The following TLR2 variants were observed in gnomAD, a reference collection of about 807,000 sequenced individuals.
TLR2 encodes the protein toll like receptor 2, also known as toll-like receptor 2.
In TLR2, 7 loss-of-function variants were observed where a neutral mutation model predicts 9.1. The observed-to-expected ratio is 0.77, with a 90% CI of 0.44 to 1.44. TLR2 has a LOEUF of 1.44. TLR2 is among the 40% of genes most tolerant of loss of function. The pLI is 0.01. For synonymous variants in TLR2, 317 were observed against 344.6 expected (o/e 0.92, Z 0.89); for missense variants, 812 against 904.6 (o/e 0.90, Z 1.31).
intron 2 of TLR2, among the ~76,000 whole-genome samples, chr4:153,692,755 TG>T (rs1736208461): frequency 6.6e-6 from 1 of 152,186 alleles, no homozygotes; most frequent in African/African-American, 2.4e-5. Context: ...TATAATTTTT[TG>T]TATAGTCCCA....
intron 2 of TLR2, among the ~76,000 whole-genome samples, chr4:153,691,939 A>T (rs1304253100): frequency 6.6e-6 from 1 of 152,162 alleles, no homozygotes; most frequent in Admixed American, 6.5e-5. Flanking sequence ...CATTGGAGTA[A>T]TATTTCTTGA....
At chr4:153,710,542 T>G (rs570632005), downstream of TLR2, 9 of 1,532,542 alleles carry the variant, frequency 5.9e-6, no homozygotes, top group Admixed American at 3.5e-5. Flanking sequence ...GCAGAAATAT[T>G]CATAAATGTC....
Position 153,704,911 on chromosome 4 carries a change from C to T in TLR2, c.2004C>T (p.Pro668=). 1 of 1,613,264 alleles carries T rather than the reference C, an allele frequency of 6.2e-7. No individual in the cohort carries two copies. The highest frequency in any genetic ancestry group is 8.5e-7 in the Non-Finnish European group (1 of 1,179,998). ...TCCAGGAGCTGGAGAACTTCAATCC[C>T]CCCTTCAAGTTGTGTCTTCATAAGC... is the stretch of plus-strand genomic sequence containing the variant. ...LMVQELENFN[P]PFKLCLHKRD... The change falls in exon 3 of 3, where the codon CCC becomes CCT. Residue 668 remains proline (P), a synonymous_variant. Coordinates refer to ENST00000642700, the MANE Select transcript of TLR2 (RefSeq NM_001318789.2).
rs777070783 is a variant in TLR2 at position 153,703,059 on chromosome 4, C to T, written c.152C>T (p.Thr51Ile). Reference sequence around the variant, plus strand: ...TTAAACTCCATTCCCTCAGGGCTCACAGAAGCTGTAAAAAGCCTTGACCTG... The same window carrying T: ...TTAAACTCCATTCCCTCAGGGCTCATAGAAGCTGTAAAAAGCCTTGACCTG... ...GSLNSIPSGL[T>I]EAVKSLDLSN... is the part of the protein sequence containing the mutation. Residue 51 changes from threonine to isoleucine, a missense_variant, in exon 3 of 3, where the codon ACA becomes ATA. By Grantham distance (89) the Thr-to-Ile change is moderately conservative (BLOSUM62 -1). Transcript: ENST00000642700. 6.2e-7 allele frequency: 1 copy of T among 1,614,026 alleles called. No homozygotes were observed. Among genetic ancestry groups the T allele is most frequent in the Non-Finnish European group, 8.5e-7 (1 of 1,180,014 alleles).
intron 2 of TLR2, among the ~76,000 whole-genome samples, chr4:153,690,725 G>T (rs6811715): frequency 0.44 from 66,944 of 152,096 alleles, 14,943 homozygotes; most frequent in East Asian, 0.57. Context: ...TTCTTTCCAG[G>T]TACTGTTATA....
intron 2 of TLR2, among the ~76,000 whole-genome samples, chr4:153,700,685 TAA>T (rs1338671115): frequency 1.3e-5 from 2 of 152,226 alleles, no homozygotes; most frequent in Admixed American, 1.3e-4. Flanking sequence ...GGAACTCTAT[TAA>T]GTGTATATCT....
Position 153,703,572 on chromosome 4 carries a change from G to A in TLR2, c.665G>A (p.Ser222Asn). The change falls in exon 3 of 3, where the codon AGT becomes AAT. Residue 222 changes from serine (S) to asparagine (N), a missense_variant. Physicochemically the swap from Ser to Asn is conservative, Grantham distance 46. Coordinates refer to ENST00000642700, the MANE Select transcript of TLR2 (RefSeq NM_001318789.2). Reference sequence around the variant, plus strand: ...CTGGAGATTTTTGTAGATGTTACAAGTTCCGTGGAATGTTTGGAACTGCGA... The same window carrying A: ...CTGGAGATTTTTGTAGATGTTACAAATTCCGTGGAATGTTTGGAACTGCGA... ...LLLEIFVDVT[S>N]SVECLELRDT... 1 of 1,614,104 alleles carries A rather than the reference G, an allele frequency of 6.2e-7. No homozygotes were observed. Among genetic ancestry groups the A allele is most frequent in the Non-Finnish European group, 8.5e-7 (1 of 1,180,018 alleles).
At position 153,703,275 on chromosome 4, in the gene TLR2, TTTC is replaced by T; in HGVS notation, c.374_376del (p.Ser125del). 1 of 1,612,870 alleles carries T rather than the reference TTTC, an allele frequency of 6.2e-7. No homozygotes were observed. The highest frequency in any genetic ancestry group is 2.2e-5 in the East Asian group (1 of 44,880). On this transcript the variant is annotated inframe_deletion, in exon 3 of 3. Transcript: ENST00000642700. ...TTATCGTCTTCCTGGTTCAAGCCCC[TTTC>T]TTCTTTAACATTCTTAAACTTACTG...
rs1373677168 is a variant in TLR2, at chr4:153,704,452, T to C, written c.1545T>C (p.Ser515=). The C allele has an allele frequency of 1.9e-6, 3 of 1,614,094 alleles. No individual in the cohort carries two copies. The African/African-American group carries it at 4.0e-5, about 22-fold the overall frequency. The change falls in exon 3 of 3, where the codon TCT becomes TCC. Residue 515 remains serine, a synonymous_variant. Transcript: ENST00000642700. ...GTAGGAATGCAATAACTACGTTTTC[T>C]AAGGAGCAACTTGACTCATTTCACA... ...KISRNAITTF[S]KEQLDSFHTL...
downstream of TLR2, among the ~76,000 whole-genome samples, chr4:153,709,450 T>G (rs1441330519): frequency 6.6e-6 from 1 of 152,230 alleles, no homozygotes; most frequent in African/African-American, 2.4e-5. Context: ...GGGTTAATTC[T>G]TTCTGACTGG....
chr4:153,702,943 G>T lies in TLR2; in HGVS notation c.36G>T (p.Gly12=). ...PHTLWMVWVL[G]VIISLSKEES... is the part of the protein sequence containing the mutation. Reference sequence around the variant, plus strand: ...CTTTGTGGATGGTGTGGGTCTTGGGGGTCATCATCAGCCTCTCCAAGGAAG... The same window carrying T: ...CTTTGTGGATGGTGTGGGTCTTGGGTGTCATCATCAGCCTCTCCAAGGAAG... Residue 12 remains glycine, a synonymous_variant, in exon 3 of 3, where the codon GGG becomes GGT. Coordinates refer to ENST00000642700, the MANE Select transcript of TLR2 (RefSeq NM_001318789.2). 1.2e-6 allele frequency: 2 copies of T among 1,613,756 alleles called. No individual in the cohort carries two copies. Among genetic ancestry groups the T allele is most frequent in the African/African-American group, 1.3e-5 (1 of 74,982 alleles).
At chr4:153,685,385 G>A (rs946275160) in intron 1 of TLR2, among the ~76,000 whole-genome samples, 1 of 152,168 alleles carries the variant, frequency 6.6e-6, no homozygotes, top group African/African-American at 2.4e-5. Context: ...GAGAAGGAGA[G>A]TAATCTGGGT....
chr4:153,707,242 G>GTGT (rs1737363725), downstream of TLR2, among the ~76,000 whole-genome samples: 2 of 152,130 alleles, frequency 1.3e-5, no homozygotes, highest in East Asian at 3.9e-4. Flanking sequence ...TCCCAGAAGA[G>GTGT]TGTTATGGAG....
rs1391692050 is a variant in TLR2, at chr4:153,703,228, A to T, written c.321A>T (p.Leu107Phe). 1 of 1,614,110 alleles carries T rather than the reference A, an allele frequency of 6.2e-7. No individual in the cohort carries two copies. Among genetic ancestry groups the T allele is most frequent in the South Asian group, 1.1e-5 (1 of 91,064 alleles). ...TGGGCAGTCTTGAACATTTAGACTT[A>T]TCCTATAATTACTTATCTAATTTAT... ...SSLGSLEHLD[L>F]SYNYLSNLSS... Residue 107 changes from leucine to phenylalanine, a missense_variant, in exon 3 of 3, where the codon TTA becomes TTT. Transcript: ENST00000642700.
intron 2 of TLR2, among the ~76,000 whole-genome samples, chr4:153,690,756 C>T (rs899014262): frequency 1.3e-5 from 2 of 152,208 alleles, no homozygotes; most frequent in African/African-American, 4.8e-5. Context: ...AGACCAGAGG[C>T]ATTAACATGG....
chr4:153,707,922 A>T (rs1335966390), downstream of TLR2, among the ~76,000 whole-genome samples: 2 of 152,182 alleles, frequency 1.3e-5, no homozygotes, highest in East Asian at 3.9e-4. Context: ...CACTGACTCA[A>T]ATGTTAATCT....
intron 2 of TLR2, among the ~76,000 whole-genome samples, chr4:153,695,424 A>G (rs1560742228): frequency 6.6e-6 from 1 of 152,204 alleles, no homozygotes; most frequent in South Asian, 2.1e-4. Flanking sequence ...TCTGATGATC[A>G]TTGATGTTGA....
At chr4:153,708,921 G>A (rs1737419325), downstream of TLR2, among the ~76,000 whole-genome samples, 1 of 152,132 alleles carries the variant, frequency 6.6e-6, no homozygotes, top group Non-Finnish European at 1.5e-5. Context: ...AATAAGAGAA[G>A]TTACTCAAAC....
chr4:153,701,081 C>G (rs1033565639), intron 2 of TLR2, among the ~76,000 whole-genome samples: 1 of 152,022 alleles, frequency 6.6e-6, no homozygotes, highest in Non-Finnish European at 1.5e-5. Flanking sequence ...GGCTAGAAAA[C>G]TCACTATTAA....
Sources: allele counts gnomAD v4.1 joint callset (sites outside exome capture counted in the v4.1 genomes callset), GRCh38; gene constraint gnomAD v4.1.1; transcripts MANE v1.5; gene names NCBI Gene and HGNC (gene_info 2026-07-23, HGNC 2026-07-21).